MYOCD: variants seen among roughly 807,000 people sequenced by gnomAD.
MYOCD encodes the protein myocardin.
Under a neutral mutation model 96.1 loss-of-function variants are expected in MYOCD, and 32 were observed. The observed-to-expected ratio is 0.33, with a 90% CI of 0.25 to 0.45. The LOEUF (loss-of-function observed/expected upper bound fraction) is 0.45, where lower values mean the gene tolerates loss of function less well. Among genes scored for constraint, MYOCD ranks in the 20% least tolerant of loss-of-function variants. The probability of loss-of-function intolerance (pLI) is 1.00; values close to 1 mark genes in which losing one functional copy is unlikely to be tolerated. For synonymous variants in MYOCD, 469 were observed against 469.0 expected (o/e 1.00, Z 0.00); for missense variants, 1,133 against 1,200.6 (o/e 0.94, Z 0.83).
chr17:12,750,637 C>T (rs2032825074), intron 9 of MYOCD, among the ~76,000 whole-genome samples: 2 of 151,908 alleles, frequency 1.3e-5, no homozygotes, highest in Non-Finnish European at 2.9e-5. Flanking sequence ...TGCAGTGAGC[C>T]GAGATTATGC....
chr17:12,712,140 T>C (rs971233017), intron 2 of MYOCD, among the ~76,000 whole-genome samples: 15 of 151,974 alleles, frequency 9.9e-5, no homozygotes, highest in South Asian at 2.1e-4. Context: ...AGATTACAGG[T>C]GTGAGCCACC....
At position 12,766,480 on chromosome 17, in the gene MYOCD, CCT is replaced by C. The variant is rs2033343917; in HGVS notation, c.*2843_*2844del. On this transcript the variant is annotated 3_prime_UTR_variant, in exon 14 of 14. Transcript: ENST00000425538. The stretch of plus-strand genomic sequence containing the variant: ...TACAGTCTCCACAAACCGCATTCAC[CCT>C]CTCTCTTCATAGCTCAGACATGAAA... 6.6e-6 allele frequency: 1 copy of C among 152,152 alleles called. No homozygotes were observed. Among genetic ancestry groups the C allele is most frequent in the South Asian group, 2.1e-4 (1 of 4,828 alleles). 9.4% of individuals were successfully genotyped at this position (152,152 alleles called of 1,614,324 possible). A position where few individuals can be genotyped will look rare whatever the true frequency, so the allele number is the denominator to read the frequency against.
At position 12,749,951 on chromosome 17, in the gene MYOCD, G is replaced by A. The variant is rs187635514; in HGVS notation, c.1126-2463G>A. 6.0e-3 allele frequency among the ~76,000 whole-genome samples: 905 copies of A among 152,046 alleles called. 4 individuals carry two copies. Among genetic ancestry groups the A allele is most frequent in the Non-Finnish European group, 9.6e-3 (651 of 67,984 alleles). On this transcript the variant is annotated intron_variant, in intron 9 of 13. Coordinates refer to ENST00000425538, the MANE Select transcript of MYOCD (RefSeq NM_001146312.3). The stretch of plus-strand genomic sequence containing the variant: ...TGCAAGCTCCGCCTTCCGGGTTCAC[G>A]CCTTTCTCCTGCCTCAGCCTCCCGA...
rs888181902 is a variant in MYOCD at position 12,676,238 on chromosome 17, C to T, written c.55+9995C>T. Reference sequence around the variant, plus strand: ...TTAGACTTAGCACCCTCCCCCTGCGCGCGCACGCACACACACACACACACA... The same window carrying T: ...TTAGACTTAGCACCCTCCCCCTGCGTGCGCACGCACACACACACACACACA... On this transcript the variant is annotated intron_variant, in intron 1 of 13. Transcript: ENST00000425538. Among the ~76,000 whole-genome samples, 13 of 86,472 alleles carry T rather than the reference C, an allele frequency of 1.5e-4. 2 individuals are homozygous for T. The highest frequency in any genetic ancestry group is 6.0e-3 in the Middle Eastern group (1 of 166). The allele number at this position is 86,472 out of a possible 152,430, so 56.7% of individuals were successfully genotyped here. A position where few individuals can be genotyped will look rare whatever the true frequency, so the allele number is the denominator to read the frequency against.
At chr17:12,701,893 T>C (rs2031092281) in intron 1 of MYOCD, among the ~76,000 whole-genome samples, 1 of 152,118 alleles carries the variant, frequency 6.6e-6, no homozygotes, top group Admixed American at 6.5e-5. Context: ...TAGAATTAAT[T>C]CCAATGTGGT....
In MYOCD at chr17:12,697,359, A is replaced by ATT. The variant is rs71144918; in HGVS notation, c.56-7749_56-7748dup. 2.7e-3 allele frequency among the ~76,000 whole-genome samples: 206 copies of ATT among 75,710 alleles called. 2 individuals are homozygous for ATT. Among genetic ancestry groups the ATT allele is most frequent in the Non-Finnish European group, 4.2e-3 (181 of 43,246 alleles). The allele number at this position is 75,710 out of a possible 152,430, so 49.7% of individuals were successfully genotyped here. On this transcript the variant is annotated intron_variant, in intron 1 of 13. Transcript: ENST00000425538. ...AGTATATATATATATATATATATAT[A>ATT]TTTTTTTTTTTTTTTTTTTTTGAGA...
At chr17:12,760,748 C>T in intron 13 of MYOCD, 41 bp downstream of exon 13, 1 of 1,525,464 alleles carries the variant, frequency 6.6e-7, no homozygotes, top group Non-Finnish European at 9.1e-7. Flanking sequence ...CATTCTGAGC[C>T]CACATGAACT....
chr17:12,760,659 C>T lies in MYOCD; in HGVS notation c.2341C>T (p.Arg781Trp), dbSNP rs1302055261. 2.5e-6 allele frequency: 4 copies of T among 1,613,688 alleles called. No homozygotes were observed. Among genetic ancestry groups the T allele is most frequent in the Non-Finnish European group, 3.4e-6 (4 of 1,179,708 alleles). The part of the protein sequence containing the change: ...YEDAVKQQMT[R>W]SQQMDELLDV... ...GGTTAATTTGTAATAGCAAATGACC[C>T]GGAGTCAGCAGATGGATGAACTCCT... The change falls in exon 13 of 14, where the codon CGG becomes TGG. Residue 781 changes from arginine to tryptophan, a missense_variant. By Grantham distance (101) the Arg-to-Trp change is moderately radical. Coordinates refer to ENST00000425538, the MANE Select transcript of MYOCD (RefSeq NM_001146312.3).
chr17:12,712,863 C>T (rs1160021007), intron 2 of MYOCD, among the ~76,000 whole-genome samples: 1 of 152,140 alleles, frequency 6.6e-6, no homozygotes, highest in Non-Finnish European at 1.5e-5. Context: ...AAAATGTTGC[C>T]ATTTGATACT....
chr17:12,717,445 C>G (rs754668002), intron 4 of MYOCD, 24 bp downstream of exon 4: 2 of 1,572,700 alleles, frequency 1.3e-6, no homozygotes, highest in Admixed American at 3.4e-5. Flanking sequence ...AAATCAGACA[C>G]CAAGAGATGC....
chr17:12,699,814 C>A (rs1026491331), intron 1 of MYOCD, among the ~76,000 whole-genome samples: 1 of 150,896 alleles, frequency 6.6e-6, no homozygotes, highest in African/African-American at 2.4e-5. Flanking sequence ...TAGTTGCATA[C>A]ATCAAGTAGC....
Position 12,763,134 on chromosome 17 carries a change from A to T in MYOCD, c.2451A>T (p.Arg817Ser), listed in dbSNP as rs781111084. 6.2e-7 allele frequency: 1 copy of T among 1,614,100 alleles called. No individual in the cohort carries two copies. ...TTCAAAAAGTCCCAAAGATACCCAG[A>T]TCTTCCCGAAGTCCAACTGCTGTCC... ...SCLQKVPKIP[R>S]SSRSPTAVLT... Residue 817 changes from arginine to serine, a missense_variant, in exon 14 of 14, where the codon AGA (arginine) becomes AGT (serine). Transcript: ENST00000425538.
chr17:12,716,985 CAAAAAAAAAAAA>C lies in MYOCD; in HGVS notation c.178-337_178-326del, dbSNP rs56992216. ...AGCCTGGATGACAGAGATGCTGTCT[CAAAAAAAAAAAA>C]AAAAAAAAAAAAAAAAAAAAAAAGG... On this transcript the variant is annotated intron_variant, in intron 3 of 13. Transcript: ENST00000425538. 8.0e-5 allele frequency among the ~76,000 whole-genome samples: 9 copies of C among 112,946 alleles called. No homozygotes were observed. The South Asian group carries it at 1.2e-3, about 15-fold the overall frequency. The allele number at this position is 112,946 out of a possible 152,430, so 74.1% of individuals were successfully genotyped here. A position where few individuals can be genotyped will look rare whatever the true frequency, so the allele number is the denominator to read the frequency against.
chr17:12,672,580 A>G, intron 1 of MYOCD, among the ~76,000 whole-genome samples: 1 of 152,174 alleles, frequency 6.6e-6, no homozygotes, highest in African/African-American at 2.4e-5. Flanking sequence ...CTGTTTTGTG[A>G]CTTTTGTTTT....
intron 1 of MYOCD, among the ~76,000 whole-genome samples, chr17:12,691,175 A>C (rs1374944745): frequency 1.3e-5 from 2 of 152,052 alleles, no homozygotes; most frequent in Non-Finnish European, 2.9e-5. Context: ...ATCCATTTCT[A>C]CTCTATCGTG....
At chr17:12,681,219 C>T (rs1483488899) in intron 1 of MYOCD, among the ~76,000 whole-genome samples, 1 of 152,192 alleles carries the variant, frequency 6.6e-6, no homozygotes, top group African/African-American at 2.4e-5. Context: ...CTTTGCCACC[C>T]CATCCTCCCG....
intron 1 of MYOCD, among the ~76,000 whole-genome samples, chr17:12,690,610 A>G (rs529481343): frequency 6.6e-6 from 1 of 152,178 alleles, no homozygotes; most frequent in Non-Finnish European, 1.5e-5. Context: ...TCATTTTTGC[A>G]TGTAGCATAT....
intron 1 of MYOCD, among the ~76,000 whole-genome samples, chr17:12,672,904 C>CT (rs1486094840): frequency 1.3e-5 from 2 of 152,178 alleles, no homozygotes; most frequent in African/African-American, 4.8e-5. Context: ...TCCCTTCTGA[C>CT]ACCTCAGTTT....
intron 7 of MYOCD, among the ~76,000 whole-genome samples, chr17:12,741,625 C>T (rs1043657388): frequency 6.6e-6 from 1 of 151,922 alleles, no homozygotes; most frequent in Non-Finnish European, 1.5e-5. Context: ...AGGATAATCG[C>T]TTGAACCCAG....
Sources: gnomAD v4.1 joint callset for allele counts (sites outside exome capture counted in the v4.1 genomes callset) on GRCh38, gnomAD v4.1.1 for gene constraint, MANE v1.5 for transcripts, NCBI Gene and HGNC (gene_info 2026-07-23, HGNC 2026-07-21) for gene names.